Variants in ZSCAN20 observed in about 807,000 individuals in gnomAD.
ZSCAN20 encodes zinc finger and SCAN domain containing 20, also known as zinc finger and SCAN domain-containing protein 20.
ZSCAN20 carries 39 observed loss-of-function variants against 97.1 expected under a neutral mutation model. That is an observed-to-expected ratio of 0.40 (90% CI 0.31 to 0.52). The LOEUF is 0.52. Ranked by LOEUF, ZSCAN20 falls within the 20% of genes least tolerant of loss-of-function variation. The probability of loss-of-function intolerance (pLI) is 0.49; values close to 1 mark genes in which losing one functional copy is unlikely to be tolerated. For synonymous variants in ZSCAN20, 456 were observed against 467.3 expected (o/e 0.98, Z 0.31); for missense variants, 1,115 against 1,290.4 (o/e 0.86, Z 2.08).
intron 2 of ZSCAN20, among the ~76,000 whole-genome samples, chr1:33,483,850 T>TC (rs763992831): frequency 4.6e-5 from 7 of 152,198 alleles, no homozygotes; most frequent in Non-Finnish European, 1.0e-4. Context: ...GGAATATTGT[T>TC]CCATTTATTT....
chr1:33,493,075 GT>G lies in ZSCAN20; in HGVS notation c.1445-109del, dbSNP rs1652688516. 4 of 1,142,556 alleles carry G rather than the reference GT, an allele frequency of 3.5e-6. 1 individual carries two copies. The Middle Eastern group carries it at 7.3e-4, about 208-fold the overall frequency. 70.8% of individuals were successfully genotyped at this position (1,142,556 alleles called of 1,614,324 possible). A position where few individuals can be genotyped will look rare whatever the true frequency, so the allele number is the denominator to read the frequency against. ...GGGATATTCTCCAGGTACCTGGATAGTTTCTGACATGCCTATGTTCTAGGTA... is the reference window on the plus strand; with the variant it reads ...GGGATATTCTCCAGGTACCTGGATAGTTCTGACATGCCTATGTTCTAGGTA... On this transcript the variant is annotated intron_variant, in intron 6 of 7. Coordinates refer to ENST00000684572, the MANE Select transcript of ZSCAN20 (RefSeq NM_001377376.1). This position sits in a 1 kb window ranked among gnomAD's most constrained non-coding sequence, Gnocchi z 4.3.
rs770064574 is a variant in ZSCAN20 at position 33,494,718 on chromosome 1, A to G, written c.2374A>G (p.Lys792Glu). The G allele has an allele frequency of 6.2e-7, 1 of 1,614,124 alleles. No homozygotes were observed. The highest frequency in any genetic ancestry group is 8.5e-7 in the Non-Finnish European group (1 of 1,180,024). ...TCACCAGAGAATTCACACGGGGGAA[A>G]AGCCCTATAAATGTGGAGAATGTTG... ...ITHQRIHTGE[K>E]PYKCGECWKS... The change falls in exon 8 of 8, where the codon AAG becomes GAG. Residue 792 changes from lysine to glutamate, a missense_variant. By Grantham distance (56) the Lys-to-Glu change is moderately conservative (BLOSUM62 1). This residue lies in a region of ZSCAN20 where 554 missense variants were observed against 584.9 expected (regional missense o/e 0.95). Coordinates refer to ENST00000684572, the MANE Select transcript of ZSCAN20 (RefSeq NM_001377376.1).
chr1:33,485,450 C>A (rs1652324540), intron 2 of ZSCAN20, among the ~76,000 whole-genome samples: 1 of 152,036 alleles, frequency 6.6e-6, no homozygotes, highest in South Asian at 2.1e-4. Flanking sequence ...TTCTCTGTTA[C>A]TCAGGCTGGA....
At chr1:33,483,205 G>A (rs934659095) in intron 2 of ZSCAN20, among the ~76,000 whole-genome samples, 3 of 149,210 alleles carry the variant, frequency 2.0e-5, no homozygotes, top group Admixed American at 2.0e-4. Flanking sequence ...TTAACGTTAA[G>A]GTCTGTGATC....
chr1:33,483,959 GAATGTA>G (rs1162308365), intron 2 of ZSCAN20, among the ~76,000 whole-genome samples: 8 of 151,948 alleles, frequency 5.3e-5, no homozygotes, highest in Non-Finnish European at 7.4e-5. Flanking sequence ...TTTTGGATGA[GAATGTA>G]AATGTTATTA....
intron 2 of ZSCAN20, among the ~76,000 whole-genome samples, chr1:33,487,609 T>C (rs1652421262): frequency 6.6e-6 from 1 of 152,130 alleles, no homozygotes; most frequent in African/African-American, 2.4e-5. Flanking sequence ...ATTGTAAGAT[T>C]AACAACACGT....
intron 2 of ZSCAN20, among the ~76,000 whole-genome samples, chr1:33,486,424 T>C (rs1652368961): frequency 6.6e-6 from 1 of 152,204 alleles, no homozygotes; most frequent in Non-Finnish European, 1.5e-5. Context: ...CTCTCCAATT[T>C]TGGGGAGAAT....
chr1:33,495,014 C>T lies in ZSCAN20; in HGVS notation c.2670C>T (p.Leu890=). The T allele has an allele frequency of 1.2e-6, 2 of 1,614,034 alleles. No individual in the cohort carries two copies. The highest frequency in any genetic ancestry group is 2.7e-5 in the African/African-American group (2 of 75,024). Residue 890 remains leucine (L), a synonymous_variant, in exon 8 of 8, where the codon CTC becomes CTT. Transcript: ENST00000684572. The stretch of plus-strand genomic sequence containing the variant: ...GAAGCTTCTCTAAGAGCTCTGCCCT[C>T]ATTAGTCACCAAAGAATCCATACGG... The part of the protein sequence containing the change: ...CGRSFSKSSA[L]ISHQRIHTGE...
chr1:33,488,574 A>C lies in ZSCAN20; in HGVS notation c.527A>C (p.Lys176Thr). The C allele has an allele frequency of 1.9e-6, 3 of 1,613,100 alleles. No individual in the cohort carries two copies. Among genetic ancestry groups the C allele is most frequent in the Non-Finnish European group, 2.5e-6 (3 of 1,179,784 alleles). Reference protein sequence around the residue: ...DPWPEGQSQKKGVKNTCPDLP... With the variant: ...DPWPEGQSQKTGVKNTCPDLP... The stretch of plus-strand genomic sequence containing the variant: ...TGGCCTGAGGGACAGTCCCAGAAGA[A>C]GGGGGTGAAGAATACATGCCCTGAC... Residue 176 changes from lysine (K) to threonine (T), a missense_variant, in exon 3 of 8, where the codon AAG becomes ACG. Around this residue, in one of 3 missense-constraint regions of ZSCAN20, gnomAD observed 508 missense variants for 611.2 expected, o/e 0.83. Transcript: ENST00000684572.
chr1:33,479,643 G>A lies in ZSCAN20; in HGVS notation c.355G>A (p.Gly119Ser), dbSNP rs1349932378. ...GGTGCAGGCACGCCACCCTGAGAGT[G>A]GTGAGGAGGCTGTGGCCTTGGTGGA... is the stretch of plus-strand genomic sequence containing the variant. ...TWVQARHPES[G>S]EEAVALVEDW... is the part of the protein sequence containing the mutation. Residue 119 changes from glycine (G) to serine (S), a missense_variant, in exon 2 of 8, where the codon GGT becomes AGT. Gly to Ser is a moderately conservative substitution (Grantham distance 56). Transcript: ENST00000684572. The A allele has an allele frequency of 1.2e-6, 2 of 1,606,826 alleles. No individual in the cohort carries two copies. Among genetic ancestry groups the A allele is most frequent in the Non-Finnish European group, 1.7e-6 (2 of 1,177,128 alleles).
At chr1:33,479,140 C>G in intron 1 of ZSCAN20, 39 bp from the exon 2 acceptor site, 1 of 797,168 alleles carries the variant, frequency 1.3e-6, no homozygotes, top group South Asian at 2.2e-5. Flanking sequence ...GCTTCTGCAT[C>G]CTTTTGCTCA....
intron 2 of ZSCAN20, among the ~76,000 whole-genome samples, chr1:33,481,343 C>T (rs1425773857): frequency 6.6e-6 from 1 of 152,150 alleles, no homozygotes; most frequent in African/African-American, 2.4e-5. Context: ...GATTCTTCAT[C>T]TGTAAAATGA....
At chr1:33,478,799 C>T (rs1359330) in intron 1 of ZSCAN20, among the ~76,000 whole-genome samples, 115,501 of 151,980 alleles carry the variant, frequency 0.76, 44,189 homozygotes, top group African/African-American at 0.8. Flanking sequence ...AGGAAGTCTA[C>T]ACTGGACCAG....
intron 6 of ZSCAN20, among the ~76,000 whole-genome samples, chr1:33,492,796 AG>A (rs56068230): frequency 0.46 from 44,837 of 98,240 alleles, 9,223 homozygotes; most frequent in African/African-American, 0.51. Flanking sequence ...AAAAAAAAAA[AG>A]GAGAATTTAT....
chr1:33,491,806 C>A lies in ZSCAN20; in HGVS notation c.1444+104C>A. The A allele has an allele frequency of 8.2e-7, 1 of 1,218,532 alleles. No individual in the cohort carries two copies. The highest frequency in any genetic ancestry group is 1.1e-6 in the Non-Finnish European group (1 of 883,812). The allele number at this position is 1,218,532 out of a possible 1,614,324, so 75.5% of individuals were successfully genotyped here. A position where few individuals can be genotyped will look rare whatever the true frequency, so the allele number is the denominator to read the frequency against. The stretch of plus-strand genomic sequence containing the variant: ...ACAGGCTGCAAGTCTGGATTGAAGC[C>A]ACTAGAGTGAAGAGCTACATTCCTT... On this transcript the variant is annotated intron_variant, in intron 6 of 7. Transcript: ENST00000684572. The surrounding 1 kb of genome is among the most constrained non-coding windows in gnomAD (Gnocchi z 4.3).
At chr1:33,474,468 T>C (rs1353371420) in intron 1 of ZSCAN20, among the ~76,000 whole-genome samples, 1 of 152,218 alleles carries the variant, frequency 6.6e-6, no homozygotes, top group Non-Finnish European at 1.5e-5. Context: ...TCATACTTAC[T>C]GCCCTAGGAG....
intron 3 of ZSCAN20, among the ~76,000 whole-genome samples, 183 bp downstream of exon 3, chr1:33,488,834 G>A (rs3924407): frequency 0.017 from 2,577 of 151,122 alleles, 80 homozygotes; most frequent in African/African-American, 0.059. Flanking sequence ...TATCGATGAT[G>A]TCATCATGCC....
rs775084675 is a variant in ZSCAN20 at position 33,489,136 on chromosome 1, C to T, written c.626C>T (p.Pro209Leu). ...TCAGCTGTCCTCACTCCCCGAGTCC[C>T]TACTCTCCCAAAGATGGGGAGCGTT... ...KESAVLTPRVPTLPKMGSVGD... is the reference protein window; with the variant it reads ...KESAVLTPRVLTLPKMGSVGD... The change falls in exon 4 of 8, where the codon CCT becomes CTT. Residue 209 changes from proline (P) to leucine (L), a missense_variant. Pro to Leu is a moderately conservative substitution (Grantham distance 98, BLOSUM62 -3). Transcript: ENST00000684572. 2 of 1,613,646 alleles carry T rather than the reference C, an allele frequency of 1.2e-6. No individual in the cohort carries two copies. Among genetic ancestry groups the T allele is most frequent in the East Asian group, 2.2e-5 (1 of 44,890 alleles).
chr1:33,487,890 GA>G (rs554793567), intron 2 of ZSCAN20, among the ~76,000 whole-genome samples: 1 of 152,220 alleles, frequency 6.6e-6, no homozygotes, highest in South Asian at 2.1e-4. Flanking sequence ...GGCATCAAGT[GA>G]TTCCCTTGCC....
Sources: allele counts gnomAD v4.1 joint callset (sites outside exome capture counted in the v4.1 genomes callset), GRCh38; gene constraint gnomAD v4.1.1; regional missense constraint gnomAD v4.1.1; non-coding constraint Gnocchi (gnomAD v3.1); transcripts MANE v1.5; gene names NCBI Gene and HGNC (gene_info 2026-07-23, HGNC 2026-07-21).